Variants in SGK1 observed in about 807,000 individuals in gnomAD.
The protein encoded by SGK1 is serum/glucocorticoid regulated kinase 1.
In SGK1, 26 loss-of-function variants were observed where a neutral mutation model predicts 64.2. The observed-to-expected ratio is 0.40, with a 90% confidence interval of 0.30 to 0.56. The LOEUF is 0.56. Among genes scored for constraint, SGK1 ranks in the 20% least tolerant of loss-of-function variants. The pLI is 0.38. For missense variants in SGK1, 519 were observed against 645.6 expected, an observed-to-expected ratio of 0.80 and a Z score of 2.12; for synonymous variants, 265 against 239.7, an observed-to-expected ratio of 1.11 and a Z score of -0.98.
At chr6:134,241,507 G>A (rs1268197786) in intron 2 of SGK1, among the ~76,000 whole-genome samples, 3 of 151,478 alleles carry the variant, frequency 2.0e-5, no homozygotes, top group Admixed American at 2.0e-4. Context: ...TGATCTATCT[G>A]GGGAATGCTG....
intron 2 of SGK1, among the ~76,000 whole-genome samples, chr6:134,238,195 A>G (rs1776392495): frequency 6.6e-6 from 1 of 152,168 alleles, no homozygotes; most frequent in African/African-American, 2.4e-5. Context: ...GACTAAATAC[A>G]CCTGGATTAT....
chr6:134,255,671 AC>A, intron 2 of SGK1, among the ~76,000 whole-genome samples: 1 of 133,604 alleles, frequency 7.5e-6, no homozygotes, highest in South Asian at 2.4e-4. Flanking sequence ...AACCTCCACC[AC>A]CTCCCAGGTT....
chr6:134,317,621 C>T lies in SGK1; in HGVS notation c.-161G>A, dbSNP rs1272582478. 14 of 643,206 alleles carry T rather than the reference C, an allele frequency of 2.2e-5. No individual in the cohort carries two copies. The highest frequency in any genetic ancestry group is 3.5e-4 in the Middle Eastern group (1 of 2,842). 39.8% of individuals were successfully genotyped at this position (643,206 alleles called of 1,614,324 possible). On this transcript the variant is annotated 5_prime_UTR_variant, in exon 1 of 14. Transcript: ENST00000367858. ...TCTTCACTCGCGCATTCTGCAGCAC[C>T]AGCTACTGCAGCAACCTCTCCCCAC...
At chr6:134,303,416 T>A (rs1475237233) in intron 1 of SGK1, among the ~76,000 whole-genome samples, 1 of 151,116 alleles carries the variant, frequency 6.6e-6, no homozygotes, top group African/African-American at 2.4e-5. Context: ...AAAAAAAAGA[T>A]AGTTAAGGCT....
chr6:134,229,010 A>G (rs1377476744), intron 2 of SGK1, among the ~76,000 whole-genome samples: 2 of 152,140 alleles, frequency 1.3e-5, no homozygotes, highest in Non-Finnish European at 2.9e-5. Flanking sequence ...CGCCCAGCTA[A>G]TGTTTTGTAT....
intron 3 of SGK1, among the ~76,000 whole-genome samples, chr6:134,206,226 T>C (rs1300511492): frequency 6.6e-6 from 1 of 151,284 alleles, no homozygotes; most frequent in Non-Finnish European, 1.5e-5. Context: ...CTTGGACTCA[T>C]GTGTTTGCCC....
intron 1 of SGK1, among the ~76,000 whole-genome samples, chr6:134,274,002 T>A (rs960493367): frequency 1.3e-5 from 2 of 151,898 alleles, no homozygotes; most frequent in Non-Finnish European, 2.9e-5. Context: ...TCAAATGTGT[T>A]TTTCTTTTTC....
chr6:134,181,513 T>C (rs1188521092), intron 3 of SGK1, among the ~76,000 whole-genome samples: 1 of 151,968 alleles, frequency 6.6e-6, no homozygotes, highest in Non-Finnish European at 1.5e-5. Context: ...CCCAGTTAAT[T>C]TGAGTACTTT....
At chr6:134,277,762 C>G (rs982934727) in intron 1 of SGK1, among the ~76,000 whole-genome samples, 40 of 152,220 alleles carry the variant, frequency 2.6e-4, no homozygotes, top group African/African-American at 9.1e-4. Flanking sequence ...AAATAGGTTT[C>G]TATGGGTAAG....
At chr6:134,191,262 C>G (rs1775504540) in intron 3 of SGK1, among the ~76,000 whole-genome samples, 1 of 152,172 alleles carries the variant, frequency 6.6e-6, no homozygotes, top group East Asian at 1.9e-4. Flanking sequence ...TTCATAAAAT[C>G]ATGAGCAGAC....
chr6:134,174,331 G>T, intron 4 of SGK1, 180 bp downstream of exon 4: 1 of 618,098 alleles, frequency 1.6e-6, no homozygotes, highest in Non-Finnish European at 2.8e-6. Context: ...TCCAGTTCAA[G>T]CCAAATCAGC....
chr6:134,220,083 AAAAAG>A (rs1333325961), intron 2 of SGK1, among the ~76,000 whole-genome samples: 1,645 of 130,972 alleles, frequency 0.013, 46 homozygotes, highest in African/African-American at 0.024. Flanking sequence ...AAAAAAAAAA[AAAAAG>A]AAAAGAAAAG....
chr6:134,282,059 G>A (rs1777102389), intron 1 of SGK1, among the ~76,000 whole-genome samples: 2 of 152,138 alleles, frequency 1.3e-5, no homozygotes, highest in Non-Finnish European at 2.9e-5. Flanking sequence ...GACTACTTGG[G>A]TAGGTTATAT....
At chr6:134,189,504 T>C (rs1005178887) in intron 3 of SGK1, among the ~76,000 whole-genome samples, 2 of 152,210 alleles carry the variant, frequency 1.3e-5, no homozygotes, top group South Asian at 2.1e-4. Flanking sequence ...TTATTATTTG[T>C]TTATACAATT....
chr6:134,283,579 G>A lies in SGK1; in HGVS notation c.70-21431C>T, dbSNP rs368158253. ...TCAAAGAAGTCTGGCCGGGCACAGT[G>A]ACTCACGCCTGTAATCCCAGCACAT... On this transcript the variant is annotated intron_variant, in intron 1 of 13. Coordinates refer to ENST00000367858, the MANE Select transcript of SGK1 (RefSeq NM_001143676.3). Among the ~76,000 whole-genome samples, 5 of 152,084 alleles carry A rather than the reference G, an allele frequency of 3.3e-5. No homozygotes were observed. The East Asian group carries it at 9.7e-4, about 29-fold the overall frequency.
intron 2 of SGK1, among the ~76,000 whole-genome samples, chr6:134,254,086 A>G (rs971781863): frequency 6.8e-6 from 1 of 146,490 alleles, no homozygotes; most frequent in African/African-American, 2.5e-5. Flanking sequence ...TTTCTGTCCT[A>G]GTCTCTCCTT....
chr6:134,202,040 C>G lies in SGK1; in HGVS notation c.361+5316G>C, dbSNP rs569833973. ...TAAAGAATATAGATTCTACTCTAGG[C>G]ACATCATAGTCAAACTGATAAAAAA... On this transcript the variant is annotated intron_variant, in intron 3 of 13. Coordinates refer to ENST00000367858, the MANE Select transcript of SGK1 (RefSeq NM_001143676.3). Among the ~76,000 whole-genome samples, 7 of 152,172 alleles carry G rather than the reference C, an allele frequency of 4.6e-5. No homozygotes were observed. In the South Asian group the frequency reaches 1.5e-3, roughly 32 times the overall value.
At chr6:134,200,174 A>C (rs1775658983) in intron 3 of SGK1, among the ~76,000 whole-genome samples, 1 of 152,204 alleles carries the variant, frequency 6.6e-6, no homozygotes, top group South Asian at 2.1e-4. Context: ...AAGAACCTAA[A>C]CTTGTGCAGC....
chr6:134,193,532 C>T (rs574403882), intron 3 of SGK1, among the ~76,000 whole-genome samples: 25 of 151,966 alleles, frequency 1.6e-4, no homozygotes, highest in African/African-American at 6.0e-4. Flanking sequence ...TTTCTAGCCC[C>T]ACTTCCAGTT....
Sources: gnomAD v4.1 joint callset for allele counts (sites outside exome capture counted in the v4.1 genomes callset) on GRCh38, gnomAD v4.1.1 for gene constraint, MANE v1.5 for transcripts, NCBI Gene and HGNC (gene_info 2026-07-23, HGNC 2026-07-21) for gene names.